MITF: variants seen among roughly 807,000 people sequenced by gnomAD.
MITF encodes microphthalmia-associated transcription factor.
Under a neutral mutation model 60.5 loss-of-function variants are expected in MITF, and 17 were observed. That is an observed-to-expected ratio of 0.28 (90% confidence interval 0.19 to 0.42). The LOEUF is 0.42. Ranked by LOEUF, MITF falls within the 10% of genes least tolerant of loss-of-function variation. MITF has a pLI of 1.00. For missense variants in MITF, 622 were observed against 683.5 expected, an observed-to-expected ratio of 0.91 and a Z score of 1.00; for synonymous variants, 260 against 248.5, an observed-to-expected ratio of 1.05 and a Z score of -0.43.
intron 3 of MITF, 200 bp downstream of exon 3, chr3:69,938,249 G>C: frequency 8.5e-7 from 1 of 1,171,524 alleles, no homozygotes; most frequent in East Asian, 2.5e-5. Context: ...AGCACATGAC[G>C]GGAGACCTGG....
In MITF at chr3:69,882,894, GC is replaced by G. The variant is rs1190539003; in HGVS notation, c.354+3512del. ...TTCCCCTACTACCTTCCCAAGATGG[GC>G]TTTGACGGTTGAAAGCTTGAAAACA... On this transcript the variant is annotated intron_variant, in intron 2 of 9. Coordinates refer to ENST00000352241, the MANE Select transcript of MITF (RefSeq NM_001354604.2). Among the ~76,000 whole-genome samples, 4 of 152,274 alleles carry G rather than the reference GC, an allele frequency of 2.6e-5. 1 individual carries two copies. The highest frequency in any genetic ancestry group is 9.6e-5 in the African/African-American group (4 of 41,552).
intron 2 of MITF, among the ~76,000 whole-genome samples, chr3:69,888,810 C>A (rs1471109182): frequency 6.6e-6 from 1 of 151,934 alleles, no homozygotes; most frequent in African/African-American, 2.4e-5. Context: ...AACTTTGTTG[C>A]CTTTCCTTTT....
chr3:69,835,338 G>A (rs1289643658), intron 1 of MITF, among the ~76,000 whole-genome samples: 1 of 152,022 alleles, frequency 6.6e-6, no homozygotes, highest in Non-Finnish European at 1.5e-5. Context: ...TATTTGGTTG[G>A]TTGGTTGCTG....
intron 1 of MITF, among the ~76,000 whole-genome samples, chr3:69,792,113 AC>A (rs1180479114): frequency 1.3e-5 from 2 of 152,192 alleles, no homozygotes; most frequent in Non-Finnish European, 2.9e-5. Context: ...AAGAGATATG[AC>A]TAGTTGATTC....
Position 69,938,058 on chromosome 3 carries a change from T to C in MITF, c.582+9T>C. 6.2e-7 allele frequency: 1 copy of C among 1,610,540 alleles called. No homozygotes were observed. The highest frequency in any genetic ancestry group is 8.5e-7 in the Non-Finnish European group (1 of 1,176,792). On this transcript the variant is annotated intron_variant, in intron 3 of 9. Transcript: ENST00000352241. ...CCAACTGTGAAAAAGAGGTAATTCA[T>C]GTCTCCTCTCCTCTCCTGTTTTCTT...
chr3:69,773,466 C>A (rs1409052853), intron 1 of MITF, among the ~76,000 whole-genome samples: 1 of 152,124 alleles, frequency 6.6e-6, no homozygotes, highest in East Asian at 1.9e-4. Context: ...ATCATGTAAA[C>A]CACGGTTTTG....
At chr3:69,801,875 A>C (rs2062925661) in intron 1 of MITF, among the ~76,000 whole-genome samples, 1 of 152,120 alleles carries the variant, frequency 6.6e-6, no homozygotes, top group African/African-American at 2.4e-5. Context: ...TTATGGGAGT[A>C]AGAGAACTGC....
intron 1 of MITF, among the ~76,000 whole-genome samples, chr3:69,845,438 CTTTCT>C (rs1216111770): frequency 3.0e-5 from 4 of 133,674 alleles, no homozygotes; most frequent in Non-Finnish European, 6.5e-5. Flanking sequence ...TTTCTTTTTT[CTTTCT>C]TTTTTTTTTT....
rs1240336327 is a variant in MITF at position 69,878,959 on chromosome 3, A to G, written c.105-175A>G. 1.8e-5 allele frequency: 11 copies of G among 623,010 alleles called. No homozygotes were observed. The Admixed American group carries it at 2.9e-4, about 16-fold the overall frequency. The allele number at this position is 623,010 out of a possible 1,614,324, so 38.6% of individuals were successfully genotyped here. ...CTGACTTATTTTAATTCAACTACTAATGACTTAAATCCTGTCACCTCTTGA... is the reference window on the plus strand; with the variant it reads ...CTGACTTATTTTAATTCAACTACTAGTGACTTAAATCCTGTCACCTCTTGA... On this transcript the variant is annotated intron_variant, in intron 1 of 9. Coordinates refer to ENST00000352241, the MANE Select transcript of MITF (RefSeq NM_001354604.2).
chr3:69,755,576 C>T (rs1235288481), intron 1 of MITF, among the ~76,000 whole-genome samples: 1 of 150,242 alleles, frequency 6.7e-6, no homozygotes, highest in Non-Finnish European at 1.5e-5. Context: ...GATTGTCACA[C>T]AATTTCTCTC....
At chr3:69,895,483 A>G (rs930850041) in intron 2 of MITF, among the ~76,000 whole-genome samples, 20 of 152,032 alleles carry the variant, frequency 1.3e-4, no homozygotes, top group African/African-American at 4.8e-4. Flanking sequence ...GTTGTCAACT[A>G]AACTGCCACG....
chr3:69,824,310 A>T (rs565136612), intron 1 of MITF, among the ~76,000 whole-genome samples: 1 of 152,302 alleles, frequency 6.6e-6, no homozygotes, highest in African/African-American at 2.4e-5. Flanking sequence ...CATCATCTGT[A>T]TCCAGGGTAG....
At chr3:69,931,363 G>A (rs1199907951) in intron 2 of MITF, among the ~76,000 whole-genome samples, 1 of 151,968 alleles carries the variant, frequency 6.6e-6, no homozygotes, top group Non-Finnish European at 1.5e-5. Context: ...TAGCCTGAGG[G>A]AGAAAAAAAT....
intron 8 of MITF, among the ~76,000 whole-genome samples, chr3:69,957,381 G>C (rs1184383191): frequency 1.3e-5 from 2 of 152,116 alleles, no homozygotes; most frequent in African/African-American, 4.8e-5. Flanking sequence ...TTCATGCCAG[G>C]CTTATTAAAT....
In MITF at chr3:69,739,466, G is replaced by T. The variant is rs1472346942; in HGVS notation, c.-132G>T. On this transcript the variant is annotated 5_prime_UTR_variant, in exon 1 of 10. Transcript: ENST00000352241. ...TCCCCGCGCTGGGGCGGGCGGCCGC[G>T]AGCCGGCGAGCGGGCAGAGCTCGGC... The T allele has an allele frequency of 2.8e-6, 2 of 724,040 alleles. No homozygotes were observed. Among genetic ancestry groups the T allele is most frequent in the African/African-American group, 1.9e-5 (1 of 52,994 alleles). The allele number at this position is 724,040 out of a possible 1,614,324, so 44.9% of individuals were successfully genotyped here.
At chr3:69,850,392 T>C (rs1454029157) in intron 1 of MITF, among the ~76,000 whole-genome samples, 2 of 152,166 alleles carry the variant, frequency 1.3e-5, no homozygotes, top group Non-Finnish European at 2.9e-5. Context: ...GATACTAAAA[T>C]AATATTAAAG....
chr3:69,934,331 G>T (rs543650885), intron 2 of MITF, among the ~76,000 whole-genome samples: 7 of 152,160 alleles, frequency 4.6e-5, no homozygotes, highest in Admixed American at 2.6e-4. Context: ...CATCCTGTGA[G>T]ATATCTACTA....
intron 1 of MITF, among the ~76,000 whole-genome samples, chr3:69,798,755 G>GA (rs2062870715): frequency 6.6e-6 from 1 of 152,136 alleles, no homozygotes; most frequent in Non-Finnish European, 1.5e-5. Context: ...ATTTATTCCT[G>GA]AAAATGCATT....
At chr3:69,947,932 A>G (rs2066140635) in intron 5 of MITF, among the ~76,000 whole-genome samples, 1 of 152,168 alleles carries the variant, frequency 6.6e-6, no homozygotes, top group Non-Finnish European at 1.5e-5. Flanking sequence ...TGGTCATTGG[A>G]GAGGATGCAA....
Sources: gnomAD v4.1 joint callset for allele counts (sites outside exome capture counted in the v4.1 genomes callset) on GRCh38, gnomAD v4.1.1 for gene constraint, MANE v1.5 for transcripts, NCBI Gene and HGNC (gene_info 2026-07-23, HGNC 2026-07-21) for gene names.